Variants in PTPRD observed in about 807,000 individuals in gnomAD.
PTPRD encodes protein tyrosine phosphatase receptor type D.
Under a neutral mutation model 214.5 loss-of-function variants are expected in PTPRD, and 34 were observed. The observed-to-expected ratio is 0.16, with a 90% CI of 0.12 to 0.21. The LOEUF (loss-of-function observed/expected upper bound fraction) is 0.21, where lower values mean the gene tolerates loss of function less well. Among genes scored for constraint, PTPRD ranks in the 10% least tolerant of loss-of-function variants. The pLI, the probability that PTPRD is intolerant of heterozygous loss-of-function variation, is 1.00. For missense variants in PTPRD, 2,545 were observed against 2,398.7 expected, an observed-to-expected ratio of 1.06 and a Z score of -1.27; for synonymous variants, 1,128 against 845.7, an observed-to-expected ratio of 1.33 and a Z score of -5.79.
chr9:10,376,803 G>A (rs889337497), intron 2 of PTPRD, among the ~76,000 whole-genome samples: 1 of 151,792 alleles, frequency 6.6e-6, no homozygotes, highest in Admixed American at 6.6e-5. Flanking sequence ...ATACTTATGA[G>A]GTACATGAGA....
chr9:9,290,101 C>T (rs926174686), intron 9 of PTPRD, among the ~76,000 whole-genome samples: 1 of 151,476 alleles, frequency 6.6e-6, no homozygotes, highest in Non-Finnish European at 1.5e-5. Context: ...CCCTTTTTTC[C>T]ATACCTTCAC....
chr9:8,892,162 G>C (rs2098545039), intron 11 of PTPRD, among the ~76,000 whole-genome samples: 1 of 152,126 alleles, frequency 6.6e-6, no homozygotes, highest in Non-Finnish European at 1.5e-5. Context: ...AGTTCAGTAT[G>C]ACTAACTCCT....
At chr9:9,466,632 G>A (rs1271312448) in intron 8 of PTPRD, among the ~76,000 whole-genome samples, 1 of 152,096 alleles carries the variant, frequency 6.6e-6, no homozygotes, top group Non-Finnish European at 1.5e-5. Context: ...AATGTGTTTA[G>A]TAAGACTTAG....
intron 35 of PTPRD, among the ~76,000 whole-genome samples, chr9:8,410,251 T>C (rs1215331833): frequency 6.6e-6 from 1 of 152,210 alleles, no homozygotes; most frequent in Non-Finnish European, 1.5e-5. Flanking sequence ...ATGAGTTCAG[T>C]TGAATCCTAT....
intron 3 of PTPRD, among the ~76,000 whole-genome samples, chr9:10,265,449 G>A (rs552777254): frequency 8.4e-4 from 128 of 152,288 alleles, no homozygotes; most frequent in Admixed American, 1.4e-3. Flanking sequence ...TAGAATAACT[G>A]CTCTGCTGAG....
intron 35 of PTPRD, among the ~76,000 whole-genome samples, chr9:8,430,529 G>A (rs187365751): frequency 4.7e-4 from 72 of 151,794 alleles, no homozygotes; most frequent in East Asian, 4.3e-3. Context: ...TGCCCGCAGC[G>A]TCCTCCCAAA....
At chr9:9,087,878 CTTTTTTTT>C (rs59824704) in intron 10 of PTPRD, among the ~76,000 whole-genome samples, 14 of 68,646 alleles carry the variant, frequency 2.0e-4, no homozygotes, top group South Asian at 6.1e-4. Context: ...GCCCTAAACT[CTTTTTTTT>C]TTTTTTTTTT....
At chr9:8,776,627 G>A (rs996795852) in intron 11 of PTPRD, among the ~76,000 whole-genome samples, 3 of 151,966 alleles carry the variant, frequency 2.0e-5, no homozygotes, top group African/African-American at 7.2e-5. Flanking sequence ...AAGCAATGAT[G>A]GGGGTGATCC....
intron 3 of PTPRD, among the ~76,000 whole-genome samples, chr9:10,207,955 G>C (rs2099492299): frequency 6.6e-6 from 1 of 152,150 alleles, no homozygotes; most frequent in Non-Finnish European, 1.5e-5. Context: ...CACACATTCA[G>C]AGTTGTTTCC....
chr9:10,329,516 C>G (rs1367483226), intron 3 of PTPRD, among the ~76,000 whole-genome samples: 2 of 151,790 alleles, frequency 1.3e-5, no homozygotes, highest in African/African-American at 4.8e-5. Context: ...ACTTGCACTT[C>G]TGATAGGTAA....
intron 30 of PTPRD, among the ~76,000 whole-genome samples, chr9:8,479,103 A>G (rs948830403): frequency 6.6e-6 from 1 of 152,192 alleles, no homozygotes; most frequent in Non-Finnish European, 1.5e-5. Flanking sequence ...AACCTTTCCT[A>G]ATTTCTAAAC....
intron 3 of PTPRD, among the ~76,000 whole-genome samples, chr9:10,251,560 A>T (rs1304901686): frequency 6.6e-6 from 1 of 152,204 alleles, no homozygotes; most frequent in Non-Finnish European, 1.5e-5. Flanking sequence ...ACATTATATG[A>T]ATGAGCTTGT....
chr9:9,149,668 T>C (rs1008087361), intron 10 of PTPRD, among the ~76,000 whole-genome samples: 2 of 152,238 alleles, frequency 1.3e-5, no homozygotes, highest in African/African-American at 2.4e-5. Flanking sequence ...CTATGAAAAG[T>C]AAAGTTATCT....
chr9:8,338,290 C>A (rs769443226), intron 43 of PTPRD, among the ~76,000 whole-genome samples: 1 of 152,190 alleles, frequency 6.6e-6, no homozygotes, highest in Admixed American at 6.5e-5. Flanking sequence ...CATAGAACAT[C>A]TTACATCAGG....
intron 21 of PTPRD, among the ~76,000 whole-genome samples, chr9:8,514,479 T>A (rs557579641): frequency 1.7e-4 from 26 of 152,178 alleles, no homozygotes; most frequent in African/African-American, 5.5e-4. Context: ...AGTGTAACGA[T>A]CTTTCATAAA....
chr9:10,479,001 T>C (rs895151435), intron 2 of PTPRD, among the ~76,000 whole-genome samples: 2 of 152,076 alleles, frequency 1.3e-5, no homozygotes, highest in Non-Finnish European at 2.9e-5. Context: ...TTAAAAGCCC[T>C]TCAAAAACGA....
chr9:10,468,162 C>A (rs551632865), intron 2 of PTPRD, among the ~76,000 whole-genome samples: 17 of 152,106 alleles, frequency 1.1e-4, no homozygotes, highest in Non-Finnish European at 2.1e-4. Flanking sequence ...TATATACCCA[C>A]AGGATTATAA....
At chr9:9,257,556 C>T (rs1383099713) in intron 9 of PTPRD, among the ~76,000 whole-genome samples, 5 of 151,890 alleles carry the variant, frequency 3.3e-5, no homozygotes, top group African/African-American at 1.2e-4. Flanking sequence ...CTTTGGAAAG[C>T]CAAAGCAGGA....
intron 14 of PTPRD, among the ~76,000 whole-genome samples, chr9:8,572,463 A>C (rs768413276): frequency 2.6e-4 from 39 of 152,070 alleles, no homozygotes; most frequent in Non-Finnish European, 4.6e-4. Flanking sequence ...GACTTCAGGG[A>C]AACTCTTCAC....
Sources: gnomAD v4.1 joint callset for allele counts (sites outside exome capture counted in the v4.1 genomes callset) on GRCh38, gnomAD v4.1.1 for gene constraint, MANE v1.5 for transcripts, NCBI Gene and HGNC (gene_info 2026-07-23, HGNC 2026-07-21) for gene names.